The following GRIP1 variants were observed in gnomAD, a reference collection of about 807,000 sequenced individuals.
GRIP1 encodes glutamate receptor-interacting protein 1.
Under a neutral mutation model 129.9 loss-of-function variants are expected in GRIP1, and 45 were observed. The observed-to-expected ratio is 0.35, with a 90% CI of 0.27 to 0.44. The LOEUF is 0.44. GRIP1 is among the 20% of genes least tolerant of loss of function. The pLI, the probability that GRIP1 is intolerant of heterozygous loss-of-function variation, is 1.00. For missense variants in GRIP1, 1,196 were observed against 1,396.8 expected (o/e 0.86, Z 2.29); for synonymous variants, 530 against 520.8 (o/e 1.02, Z -0.24).
intron 2 of GRIP1, chr12:66,568,846 C>T: frequency 4.6e-6 from 2 of 431,106 alleles, no homozygotes; most frequent in Middle Eastern, 4.3e-4. Context: ...AGTACAGGTC[C>T]AACTGGTCAG....
intron 1 of GRIP1, among the ~76,000 whole-genome samples, chr12:67,041,368 G>A (rs1188909008): frequency 1.3e-5 from 2 of 151,964 alleles, no homozygotes; most frequent in African/African-American, 4.8e-5. Context: ...ATATATTTAT[G>A]TGCGTGTGTA....
At chr12:66,910,075 ATGAC>A (rs1439226897) in intron 1 of GRIP1, among the ~76,000 whole-genome samples, 1 of 152,170 alleles carries the variant, frequency 6.6e-6, no homozygotes, top group Non-Finnish European at 1.5e-5. Context: ...ACTATCACTA[ATGAC>A]TATACAGGTA....
intron 1 of GRIP1, among the ~76,000 whole-genome samples, chr12:67,018,251 A>C (rs1468450436): frequency 6.6e-6 from 1 of 152,056 alleles, no homozygotes; most frequent in Non-Finnish European, 1.5e-5. Flanking sequence ...AGGCTTTCCC[A>C]GATCTCCCTC....
At chr12:66,589,482 G>A (rs2063775114) in intron 2 of GRIP1, among the ~76,000 whole-genome samples, 1 of 152,142 alleles carries the variant, frequency 6.6e-6, no homozygotes, top group South Asian at 2.1e-4. Flanking sequence ...TCAAAGTCAT[G>A]TCTTCTGAGA....
chr12:66,981,169 A>G (rs1002109652), intron 1 of GRIP1, among the ~76,000 whole-genome samples: 6 of 152,364 alleles, frequency 3.9e-5, no homozygotes, highest in Admixed American at 1.3e-4. Context: ...ATCTCTAATC[A>G]GGAGTTGGCC....
At chr12:66,494,018 G>C (rs751445510) in intron 7 of GRIP1, among the ~76,000 whole-genome samples, 13 of 152,138 alleles carry the variant, frequency 8.5e-5, no homozygotes, top group Non-Finnish European at 1.3e-4. Context: ...GAGGATTCCA[G>C]GAAAAGTATG....
intron 1 of GRIP1, among the ~76,000 whole-genome samples, chr12:67,019,095 T>C (rs904286228): frequency 6.6e-6 from 1 of 151,946 alleles, no homozygotes; most frequent in African/African-American, 2.4e-5. Context: ...AAACCGTGGG[T>C]TGAGAAAGGA....
At chr12:66,930,809 T>G in intron 1 of GRIP1, among the ~76,000 whole-genome samples, 1 of 152,300 alleles carries the variant, frequency 6.6e-6, no homozygotes, top group South Asian at 2.1e-4. Context: ...TCCAGACTCA[T>G]GTGTTGACCA....
chr12:66,543,066 A>G (rs570501693), intron 2 of GRIP1, among the ~76,000 whole-genome samples: 82 of 152,370 alleles, frequency 5.4e-4, no homozygotes, highest in African/African-American at 1.8e-3. Flanking sequence ...TGCTGCTGCT[A>G]GTACATTATC....
chr12:66,750,501 G>A (rs1398904777), intron 1 of GRIP1, among the ~76,000 whole-genome samples: 1 of 152,158 alleles, frequency 6.6e-6, no homozygotes, highest in Non-Finnish European at 1.5e-5. Context: ...GGCTACTTTA[G>A]TCTACCTGTC....
At chr12:66,545,675 T>C (rs1395220802) in intron 2 of GRIP1, among the ~76,000 whole-genome samples, 3 of 152,192 alleles carry the variant, frequency 2.0e-5, no homozygotes, top group South Asian at 2.1e-4. Context: ...GTTTGAGGCA[T>C]TGGAGATACA....
intron 1 of GRIP1, among the ~76,000 whole-genome samples, chr12:66,694,313 G>A (rs1349281857): frequency 6.6e-6 from 1 of 152,066 alleles, no homozygotes; most frequent in Non-Finnish European, 1.5e-5. Context: ...TTGTAGTTTT[G>A]AGTTTTTAAA....
chr12:66,907,481 G>A (rs879589626), intron 1 of GRIP1, among the ~76,000 whole-genome samples: 1 of 152,128 alleles, frequency 6.6e-6, no homozygotes, highest in African/African-American at 2.4e-5. Context: ...GTTACATTCA[G>A]CAAATGAATC....
At chr12:66,467,179 T>C (rs527486632) in intron 7 of GRIP1, among the ~76,000 whole-genome samples, 24 of 152,298 alleles carry the variant, frequency 1.6e-4, no homozygotes, top group Admixed American at 7.8e-4. Flanking sequence ...AGAGTTTCAT[T>C]AATAATATCT....
rs563106177 is a variant in GRIP1, at chr12:66,954,215, A to G, written c.58+114835T>C. Among the ~76,000 whole-genome samples the G allele has an allele frequency of 2.0e-5, 3 of 152,222 alleles. No individual in the cohort carries two copies. The East Asian group carries it at 5.8e-4, about 29-fold the overall frequency. ...TTCTGCTAATTCTTTTCCTCATGAC[A>G]TCGCTATTAGGTTCCATCTTCTAAG... is the stretch of plus-strand genomic sequence containing the variant. On this transcript the variant is annotated intron_variant, in intron 1 of 1. Coordinates refer to the GRIP1 transcript ENST00000643019.
intron 11 of GRIP1, among the ~76,000 whole-genome samples, chr12:66,450,303 C>CAAAAAAAAAAAAAAA (rs143013040): frequency 3.7e-5 from 1 of 26,818 alleles, no homozygotes; most frequent in Non-Finnish European, 6.2e-5. Context: ...GACTCCATCT[C>CAAAAAAAAAAAAAAA]AAAAAAAAAA....
At chr12:66,905,057 T>G (rs12819213) in intron 1 of GRIP1, among the ~76,000 whole-genome samples, 1 of 152,062 alleles carries the variant, frequency 6.6e-6, no homozygotes, top group East Asian at 1.9e-4. Flanking sequence ...TGAGTCTCTA[T>G]GCATGTTGAC....
chr12:66,383,960 A>G (rs2056240296), intron 19 of GRIP1, among the ~76,000 whole-genome samples: 2 of 152,234 alleles, frequency 1.3e-5, no homozygotes, highest in South Asian at 4.1e-4. Context: ...GTCTTGGACT[A>G]TGAGGTGACC....
intron 7 of GRIP1, among the ~76,000 whole-genome samples, chr12:66,486,265 G>GTT (rs949148716): frequency 5.4e-4 from 81 of 149,090 alleles, no homozygotes; most frequent in African/African-American, 1.6e-3. Context: ...GACTGACATG[G>GTT]TTTATATATA....
Sources: gnomAD v4.1 joint callset for allele counts (sites outside exome capture counted in the v4.1 genomes callset) on GRCh38, gnomAD v4.1.1 for gene constraint, MANE v1.5 for transcripts, NCBI Gene and HGNC (gene_info 2026-07-23, HGNC 2026-07-21) for gene names.